COL24A1: variants seen among roughly 807,000 people sequenced by gnomAD.
COL24A1 encodes the protein collagen alpha-1(XXIV) chain.
In COL24A1, 224 loss-of-function variants were observed where a neutral mutation model predicts 253.9. The ratio of observed to expected loss-of-function variants is 0.88; its 90% CI spans 0.79 to 0.99. COL24A1 has a LOEUF of 0.99. Ranked by LOEUF, COL24A1 falls within the 50% of genes least tolerant of loss-of-function variation. COL24A1 has a pLI of 0.00. For missense variants in COL24A1, 2,131 were observed against 2,068.5 expected (o/e 1.03, Z -0.59); for synonymous variants, 685 against 673.7 (o/e 1.02, Z -0.26).
In COL24A1 at chr1:86,126,036, G is replaced by A. The variant is rs1339637084; in HGVS notation, c.300C>T (p.Val100=). The change falls in exon 3 of 60, where the codon GTC becomes GTT. Residue 100 remains valine, a synonymous_variant. Transcript: ENST00000370571. The part of the protein sequence containing the change: ...IETPFVKILP[V]NLGQPFTILT... ...ATATTGTAAACGGCTGCCCCAAGTT[G>A]ACTGGTAAAATTTTCACGAAAGGTG... 9.3e-6 allele frequency: 15 copies of A among 1,613,478 alleles called. No individual in the cohort carries two copies. The highest frequency in any genetic ancestry group is 1.3e-5 in the African/African-American group (1 of 74,842).
intron 51 of COL24A1, among the ~76,000 whole-genome samples, chr1:85,782,986 T>C (rs1669293895): frequency 6.6e-6 from 1 of 152,248 alleles, no homozygotes; most frequent in African/African-American, 2.4e-5. Flanking sequence ...TTACAAGCAC[T>C]CATTGCTAAT....
intron 24 of COL24A1, among the ~76,000 whole-genome samples, chr1:85,926,258 A>T (rs1328752957): frequency 6.6e-6 from 1 of 152,214 alleles, no homozygotes; most frequent in Admixed American, 6.5e-5. Context: ...ATTGTGGAAG[A>T]CAGTGTGGCA....
chr1:86,013,625 C>T (rs896565050), intron 19 of COL24A1, among the ~76,000 whole-genome samples: 2 of 152,174 alleles, frequency 1.3e-5, no homozygotes, highest in Non-Finnish European at 2.9e-5. Context: ...CACCTGAGGT[C>T]AGGAGTTTGA....
intron 11 of COL24A1, among the ~76,000 whole-genome samples, chr1:86,048,201 CAT>C (rs35079693): frequency 0.092 from 14,007 of 152,012 alleles, 751 homozygotes; most frequent in Middle Eastern, 0.19. Context: ...TATATGTGTA[CAT>C]GTTTCATATG....
chr1:86,046,342 AATT>A (rs1699901575), intron 12 of COL24A1, among the ~76,000 whole-genome samples: 1 of 152,094 alleles, frequency 6.6e-6, no homozygotes, highest in Non-Finnish European at 1.5e-5. Context: ...CCATCTCTGA[AATT>A]ATTATATTAC....
At chr1:85,954,820 T>C (rs1201983824) in intron 24 of COL24A1, among the ~76,000 whole-genome samples, 5 of 152,166 alleles carry the variant, frequency 3.3e-5, no homozygotes, top group African/African-American at 9.7e-5. Context: ...TTCTTTAAGA[T>C]AAAGGCACTG....
intron 29 of COL24A1, 57 bp downstream of exon 29, chr1:85,896,299 G>A: frequency 6.9e-7 from 1 of 1,439,044 alleles, no homozygotes; most frequent in Non-Finnish European, 9.8e-7. Context: ...AGACTAGTAG[G>A]ACATATGATC....
chr1:85,838,753 A>C (rs1428284722), intron 42 of COL24A1, 115 bp from the exon 43 acceptor site: 1 of 914,558 alleles, frequency 1.1e-6, no homozygotes, highest in East Asian at 2.5e-5. Flanking sequence ...AACCAAATAT[A>C]TGATTTGTTT....
chr1:85,961,406 G>A, intron 23 of COL24A1, 113 bp from the exon 24 acceptor site: 1 of 831,464 alleles, frequency 1.2e-6, no homozygotes. Context: ...CTAGAAAAAG[G>A]CAAAGGAAAT....
At chr1:85,831,023 A>T (rs891459441) in intron 43 of COL24A1, among the ~76,000 whole-genome samples, 1 of 152,134 alleles carries the variant, frequency 6.6e-6, no homozygotes, top group Admixed American at 6.6e-5. Context: ...TTACGGTTTA[A>T]GTTTCAACTT....
intron 5 of COL24A1, among the ~76,000 whole-genome samples, chr1:86,102,076 G>C (rs1704508023): frequency 7.8e-6 from 1 of 128,636 alleles, no homozygotes; most frequent in South Asian, 2.4e-4. Flanking sequence ...GCTCATTTTT[G>C]GTCTGTTAAG....
intron 37 of COL24A1, 134 bp from the exon 38 acceptor site, chr1:85,849,540 T>G (rs1570907587): frequency 1.4e-6 from 1 of 695,320 alleles, no homozygotes; most frequent in Non-Finnish European, 2.5e-6. Flanking sequence ...TTCACATTAT[T>G]AGGTTTGTAT....
At chr1:85,734,985 T>C (rs774470307) in intron 58 of COL24A1, 21 bp from the exon 59 acceptor site, 25 of 1,609,436 alleles carry the variant, frequency 1.6e-5, no homozygotes, top group Admixed American at 8.4e-5. Context: ...AGAAATGATA[T>C]GCAGGTTATA....
chr1:85,782,779 T>G (rs566175734), intron 51 of COL24A1, among the ~76,000 whole-genome samples: 1 of 152,218 alleles, frequency 6.6e-6, no homozygotes, highest in African/African-American at 2.4e-5. Context: ...CTATTAGTCA[T>G]AGAGATGCTA....
chr1:85,790,764 A>C (rs1218182787), intron 47 of COL24A1, among the ~76,000 whole-genome samples: 1 of 152,230 alleles, frequency 6.6e-6, no homozygotes, highest in Non-Finnish European at 1.5e-5. Context: ...TTATTGAATT[A>C]GATGGCAAAG....
At chr1:85,945,000 GTGTTTTTTT>G (rs1689128815) in intron 24 of COL24A1, among the ~76,000 whole-genome samples, 1 of 36,122 alleles carries the variant, frequency 2.8e-5, no homozygotes, top group Non-Finnish European at 5.1e-5. Context: ...GTCTATCATT[GTGTTTTTTT>G]TTTTTTTTTT....
At chr1:86,122,416 T>C (rs1325955298) in intron 3 of COL24A1, among the ~76,000 whole-genome samples, 1 of 152,004 alleles carries the variant, frequency 6.6e-6, no homozygotes, top group Non-Finnish European at 1.5e-5. Flanking sequence ...TCTTTGAAAA[T>C]CTATCCAACT....
intron 24 of COL24A1, among the ~76,000 whole-genome samples, chr1:85,952,681 A>G (rs186461835): frequency 2.4e-4 from 36 of 152,304 alleles, no homozygotes; most frequent in Admixed American, 1.6e-3. Context: ...AAATAAAGTT[A>G]CTGGGAACAG....
intron 53 of COL24A1, among the ~76,000 whole-genome samples, chr1:85,762,705 G>C (rs17128249): frequency 6.6e-6 from 1 of 152,086 alleles, no homozygotes; most frequent in African/African-American, 2.4e-5. Context: ...GGTTATGTCC[G>C]CTTCTCCATT....
Sources: gnomAD v4.1 joint callset for allele counts (sites outside exome capture counted in the v4.1 genomes callset) on GRCh38, gnomAD v4.1.1 for gene constraint, MANE v1.5 for transcripts, NCBI Gene and HGNC (gene_info 2026-07-23, HGNC 2026-07-21) for gene names.